GRIK4: variants seen among roughly 807,000 people sequenced by gnomAD.
GRIK4 encodes the protein glutamate ionotropic receptor kainate type subunit 4, also known as glutamate receptor ionotropic, kainate 4.
Under a neutral mutation model 104.9 loss-of-function variants are expected in GRIK4, and 40 were observed. The observed-to-expected ratio is 0.38, with a 90% confidence interval of 0.30 to 0.50. The LOEUF (loss-of-function observed/expected upper bound fraction) is 0.50. Ranked by LOEUF, GRIK4 falls within the 20% of genes least tolerant of loss-of-function variation. GRIK4 has a pLI of 0.93. For synonymous variants in GRIK4, 485 were observed against 524.9 expected, an observed-to-expected ratio of 0.92 and a Z score of 1.04; for missense variants, 1,047 against 1,308.1, an observed-to-expected ratio of 0.80 and a Z score of 3.08.
intron 1 of GRIK4, among the ~76,000 whole-genome samples, chr11:120,635,838 G>A (rs532054986): frequency 6.6e-6 from 1 of 152,304 alleles, no homozygotes; most frequent in South Asian, 2.1e-4. Context: ...CAAATCATAA[G>A]TGTATGGCTT....
chr11:120,982,603 C>T (rs1944670375), intron 20 of GRIK4, among the ~76,000 whole-genome samples: 1 of 152,138 alleles, frequency 6.6e-6, no homozygotes, highest in Non-Finnish European at 1.5e-5. Flanking sequence ...GTTCAATTCC[C>T]CAGCTGTGGC....
chr11:120,919,794 G>A (rs542172558), intron 13 of GRIK4, among the ~76,000 whole-genome samples: 5 of 152,288 alleles, frequency 3.3e-5, no homozygotes, highest in African/African-American at 7.2e-5. Flanking sequence ...GATGGGGCCT[G>A]GTTATTGAAT....
intron 3 of GRIK4, among the ~76,000 whole-genome samples, chr11:120,763,094 G>A (rs1356318538): frequency 5.3e-5 from 8 of 152,036 alleles, no homozygotes; most frequent in Admixed American, 5.2e-4. Flanking sequence ...ATGGTTGGTA[G>A]GCTATTAATT....
intron 1 of GRIK4, among the ~76,000 whole-genome samples, chr11:120,578,058 CTG>C (rs1366370643): frequency 6.6e-6 from 1 of 152,012 alleles, no homozygotes; most frequent in Non-Finnish European, 1.5e-5. Context: ...AATTGTGTGT[CTG>C]TGTGTGTGCA....
chr11:120,865,902 C>T (rs187035674), intron 9 of GRIK4, among the ~76,000 whole-genome samples: 82 of 151,944 alleles, frequency 5.4e-4, no homozygotes, highest in Non-Finnish European at 1.0e-3. Context: ...GGCCTCAGGA[C>T]GCTTCCATTC....
intron 7 of GRIK4, among the ~76,000 whole-genome samples, chr11:120,834,798 A>AAAACC (rs1336677211): frequency 1.3e-5 from 2 of 152,234 alleles, no homozygotes; most frequent in African/African-American, 4.8e-5. Flanking sequence ...TCAGGCCTTA[A>AAAACC]AAACCAAGGA....
intron 1 of GRIK4, among the ~76,000 whole-genome samples, chr11:120,612,239 A>G (rs1167289458): frequency 6.6e-6 from 1 of 152,164 alleles, no homozygotes; most frequent in Non-Finnish European, 1.5e-5. Context: ...TCTATAGTAG[A>G]CTTTACCATT....
chr11:120,540,647 AAAAC>A (rs199853446), intron 1 of GRIK4, among the ~76,000 whole-genome samples: 1,789 of 152,252 alleles, frequency 0.012, 17 homozygotes, highest in Non-Finnish European at 0.019. Context: ...TAAAAAATAA[AAAAC>A]AAACAACAAA....
At chr11:120,585,226 TC>T (rs1199757459) in intron 1 of GRIK4, among the ~76,000 whole-genome samples, 4 of 152,240 alleles carry the variant, frequency 2.6e-5, no homozygotes, top group Non-Finnish European at 5.9e-5. Flanking sequence ...TTGGGTTGCT[TC>T]CACAACTTGG....
Position 120,693,407 on chromosome 11 carries a change from A to G in GRIK4, c.82+33007A>G, listed in dbSNP as rs186970041. 3.1e-3 allele frequency among the ~76,000 whole-genome samples: 470 copies of G among 152,284 alleles called. 1 individual carries two copies. The highest frequency in any genetic ancestry group is 4.5e-3 in the Non-Finnish European group (303 of 68,012). ...GGCATGACCACCGTGCCAGGCTGGC[A>G]ATTTATATTTTAGATACATCAGCCC... is the stretch of plus-strand genomic sequence containing the variant. On this transcript the variant is annotated intron_variant, in intron 3 of 20. Coordinates refer to ENST00000527524, the MANE Select transcript of GRIK4 (RefSeq NM_014619.5).
chr11:120,957,625 G>GTGTA (rs375508071), intron 16 of GRIK4, among the ~76,000 whole-genome samples: 100 of 144,634 alleles, frequency 6.9e-4, no homozygotes, highest in African/African-American at 1.1e-3. Context: ...GTGTGTGTGT[G>GTGTA]TAGCCTAGAG....
At chr11:120,846,529 A>G (rs1222811274) in intron 8 of GRIK4, among the ~76,000 whole-genome samples, 3 of 152,194 alleles carry the variant, frequency 2.0e-5, no homozygotes, top group Non-Finnish European at 4.4e-5. Flanking sequence ...GGCAGTGGTA[A>G]GTTATAGTTC....
intron 1 of GRIK4, among the ~76,000 whole-genome samples, chr11:120,551,065 G>A (rs1377327548): frequency 6.6e-6 from 1 of 152,122 alleles, no homozygotes; most frequent in Non-Finnish European, 1.5e-5. Flanking sequence ...TCAGGGGCTG[G>A]GATTCACGAG....
At chr11:120,677,282 G>A (rs1023076019) in intron 3 of GRIK4, among the ~76,000 whole-genome samples, 3 of 152,150 alleles carry the variant, frequency 2.0e-5, no homozygotes, top group African/African-American at 4.8e-5. Context: ...TGTGGGCTCC[G>A]CTGGGCTCCG....
chr11:120,578,153 C>T (rs1948510415), intron 1 of GRIK4, among the ~76,000 whole-genome samples: 1 of 152,100 alleles, frequency 6.6e-6, no homozygotes, highest in Non-Finnish European at 1.5e-5. Flanking sequence ...GACCAGAGGG[C>T]AGGGAAGTAG....
rs1295969111 is a variant in GRIK4 at position 120,939,109 on chromosome 11, A to T, written c.1477-1238A>T. ...GTTGTTAGAGTAGAGGATGCATTAG[A>T]ACTGAGCACCAGTTCTGGGCTTTTC... is the stretch of plus-strand genomic sequence containing the variant. On this transcript the variant is annotated intron_variant, in intron 13 of 20. Coordinates refer to ENST00000527524, the MANE Select transcript of GRIK4 (RefSeq NM_014619.5). The surrounding 1 kb of genome is among the most constrained non-coding windows in gnomAD (Gnocchi z 5.6). 7.2e-6 allele frequency among the ~76,000 whole-genome samples: 1 copy of T among 139,676 alleles called. No individual in the cohort carries two copies. The highest frequency in any genetic ancestry group is 1.6e-5 in the Non-Finnish European group (1 of 61,904). The allele number at this position is 139,676 out of a possible 152,430, so 91.6% of individuals were successfully genotyped here.
chr11:120,690,211 G>A (rs532735260), intron 3 of GRIK4, among the ~76,000 whole-genome samples: 5 of 152,102 alleles, frequency 3.3e-5, no homozygotes, highest in Non-Finnish European at 5.9e-5. Context: ...GTCCTGGTGC[G>A]TGAGTGGCTT....
chr11:120,701,507 T>C (rs939035122), intron 3 of GRIK4, among the ~76,000 whole-genome samples: 3 of 152,242 alleles, frequency 2.0e-5, no homozygotes, highest in African/African-American at 7.2e-5. Flanking sequence ...CACATCCTCT[T>C]TATCCACTCA....
At chr11:120,954,832 A>ACACACACAC (rs1944103422) in intron 15 of GRIK4, among the ~76,000 whole-genome samples, 7 of 7,960 alleles carry the variant, frequency 8.8e-4, no homozygotes, top group Admixed American at 2.4e-3. Flanking sequence ...CACACACACA[A>ACACACACAC]ACAATACTGG....
Sources: gnomAD v4.1 joint callset for allele counts (sites outside exome capture counted in the v4.1 genomes callset) on GRCh38, gnomAD v4.1.1 for gene constraint, Gnocchi (gnomAD v3.1) non-coding constraint, MANE v1.5 for transcripts, NCBI Gene and HGNC (gene_info 2026-07-23, HGNC 2026-07-21) for gene names.